The following MICU1 variants were observed in gnomAD, a reference collection of about 807,000 sequenced individuals.
MICU1 encodes the protein mitochondrial calcium uptake 1, also known as calcium uptake protein 1, mitochondrial.
In MICU1, 45 loss-of-function variants were observed where a neutral mutation model predicts 56.8. That is an observed-to-expected ratio of 0.79 (90% CI 0.62 to 1.02). The LOEUF is 1.02. Among genes scored for constraint, MICU1 ranks in the 50% least tolerant of loss-of-function variants. MICU1 has a pLI of 0.00. For synonymous variants in MICU1, 186 were observed against 195.1 expected, an observed-to-expected ratio of 0.95 and a Z score of 0.39; for missense variants, 504 against 587.1, an observed-to-expected ratio of 0.86 and a Z score of 1.46.
intron 4 of MICU1, among the ~76,000 whole-genome samples, chr10:72,542,190 T>C (rs1251890868): frequency 6.6e-6 from 1 of 152,180 alleles, no homozygotes; most frequent in Non-Finnish European, 1.5e-5. Flanking sequence ...AGATAACTCT[T>C]TTTATGGACA....
intron 8 of MICU1, among the ~76,000 whole-genome samples, chr10:72,467,195 G>GT (rs1865820738): frequency 6.6e-6 from 1 of 151,498 alleles, no homozygotes. Flanking sequence ...GTTTTGTTTT[G>GT]TTTTTTGAGA....
chr10:72,501,209 T>G (rs912327536), intron 6 of MICU1, among the ~76,000 whole-genome samples: 8 of 152,102 alleles, frequency 5.3e-5, no homozygotes, highest in Admixed American at 2.6e-4. Context: ...ATTAGAGAGA[T>G]AAGGTTTAAA....
intron 3 of MICU1, among the ~76,000 whole-genome samples, chr10:72,552,779 C>T (rs1441854802): frequency 1.3e-5 from 2 of 152,336 alleles, no homozygotes; most frequent in East Asian, 1.9e-4. Context: ...GTCTCGAACG[C>T]CTGACCTCAA....
At chr10:72,374,826 T>TC (rs1862464162) in intron 11 of MICU1, among the ~76,000 whole-genome samples, 1 of 142,250 alleles carries the variant, frequency 7.0e-6, no homozygotes, top group Non-Finnish European at 1.5e-5. Flanking sequence ...TTTTTTTTTT[T>TC]TTTTTTTTGA....
intron 10 of MICU1, among the ~76,000 whole-genome samples, chr10:72,406,608 TAA>T (rs371156230): frequency 2.7e-4 from 39 of 142,396 alleles, no homozygotes; most frequent in African/African-American, 8.6e-4. Flanking sequence ...TACTCCTTAT[TAA>T]AAAAAAAAAA....
chr10:72,467,556 G>A (rs1228638374), intron 8 of MICU1, among the ~76,000 whole-genome samples: 1 of 152,100 alleles, frequency 6.6e-6, no homozygotes, highest in Non-Finnish European at 1.5e-5. Context: ...CTGACCTCAG[G>A]TGATCCGCCT....
chr10:72,443,092 G>A (rs1468343979), intron 8 of MICU1, among the ~76,000 whole-genome samples: 2 of 152,130 alleles, frequency 1.3e-5, no homozygotes, highest in African/African-American at 4.8e-5. Context: ...TTCTCATTGT[G>A]GTTTTGATTT....
intron 8 of MICU1, among the ~76,000 whole-genome samples, chr10:72,472,362 T>C (rs1589254683): frequency 6.6e-6 from 1 of 152,240 alleles, no homozygotes; most frequent in South Asian, 2.1e-4. Flanking sequence ...TTTGCTTCTA[T>C]TATTGTTGAA....
chr10:72,464,244 C>T (rs1447970746), intron 8 of MICU1, among the ~76,000 whole-genome samples: 13 of 140,358 alleles, frequency 9.3e-5, no homozygotes, highest in Non-Finnish European at 1.2e-4. Flanking sequence ...TGCAGTGAGC[C>T]GAGATTGTAC....
chr10:72,485,899 GCA>G (rs144168771), intron 6 of MICU1, among the ~76,000 whole-genome samples: 25 of 141,278 alleles, frequency 1.8e-4, no homozygotes, highest in Non-Finnish European at 2.1e-4. Flanking sequence ...ACACACACAC[GCA>G]CACACACACA....
chr10:72,611,920 G>A (rs74148033), intron 1 of MICU1, among the ~76,000 whole-genome samples: 5,954 of 148,130 alleles, frequency 0.04, 385 homozygotes, highest in African/African-American at 0.14. Flanking sequence ...CCAAGAGTTT[G>A]AAGCTACAGT....
intron 6 of MICU1, among the ~76,000 whole-genome samples, chr10:72,491,224 ATT>A (rs1478597436): frequency 1.3e-5 from 2 of 152,206 alleles, no homozygotes; most frequent in Non-Finnish European, 2.9e-5. Flanking sequence ...CCAATAGATA[ATT>A]TGTTATTCTC....
chr10:72,594,688 C>T (rs542953193), intron 1 of MICU1, among the ~76,000 whole-genome samples: 1 of 151,834 alleles, frequency 6.6e-6, no homozygotes, highest in African/African-American at 2.4e-5. Context: ...TGCTTGAGGC[C>T]CAGAGTTCAA....
At chr10:72,489,280 C>CTT (rs1866571640) in intron 6 of MICU1, among the ~76,000 whole-genome samples, 2 of 26,174 alleles carry the variant, frequency 7.6e-5, no homozygotes, top group Non-Finnish European at 2.9e-4. Context: ...GGTGACAGAG[C>CTT]GAGACTCTGT....
chr10:72,621,671 A>G lies in MICU1; in HGVS notation c.-2+4339T>C, dbSNP rs142536306. The stretch of plus-strand genomic sequence containing the variant: ...ACTAATCAAGTTCACCCAAAGCAAT[A>G]AAAATATCAAGAATTTATTTTAACA... On this transcript the variant is annotated intron_variant, in intron 1 of 11. Transcript: ENST00000361114. Among the ~76,000 whole-genome samples the G allele has an allele frequency of 2.0e-5, 3 of 152,256 alleles. No individual in the cohort carries two copies. The East Asian group carries it at 5.8e-4, about 29-fold the overall frequency.
chr10:72,589,410 G>A (rs1841160040), intron 1 of MICU1, among the ~76,000 whole-genome samples: 1 of 152,142 alleles, frequency 6.6e-6, no homozygotes. Flanking sequence ...CTCAAATGGA[G>A]GGTACATTTT....
At chr10:72,542,545 G>A (rs1228130965) in intron 4 of MICU1, among the ~76,000 whole-genome samples, 1 of 152,192 alleles carries the variant, frequency 6.6e-6, no homozygotes, top group Non-Finnish European at 1.5e-5. Flanking sequence ...CTGCTTTTGG[G>A]TGCCAGCAGG....
chr10:72,470,324 T>C (rs1865913495), intron 8 of MICU1, among the ~76,000 whole-genome samples: 1 of 152,210 alleles, frequency 6.6e-6, no homozygotes, highest in South Asian at 2.1e-4. Flanking sequence ...AAGGATGTCA[T>C]CAATAAGAAG....
intron 1 of MICU1, among the ~76,000 whole-genome samples, chr10:72,591,970 A>G (rs892248224): frequency 6.6e-6 from 1 of 150,758 alleles, no homozygotes; most frequent in East Asian, 2.0e-4. Context: ...AACATTCAAC[A>G]CTGGACTCCA....
Sources: allele counts gnomAD v4.1 joint callset (sites outside exome capture counted in the v4.1 genomes callset), GRCh38; gene constraint gnomAD v4.1.1; transcripts MANE v1.5; gene names NCBI Gene and HGNC (gene_info 2026-07-23, HGNC 2026-07-21).